PIK3CA: variants seen among roughly 807,000 people sequenced by gnomAD.
PIK3CA encodes phosphatidylinositol 4,5-bisphosphate 3-kinase catalytic subunit alpha isoform.
In PIK3CA, 27 loss-of-function variants were observed where a neutral mutation model predicts 138.2. The observed-to-expected ratio is 0.20, with a 90% CI of 0.14 to 0.27. PIK3CA has a LOEUF of 0.27. Ranked by LOEUF, PIK3CA falls within the 10% of genes least tolerant of loss-of-function variation. The pLI, the probability that PIK3CA is intolerant of heterozygous loss-of-function variation, is 1.00. For missense variants in PIK3CA, 544 were observed against 1,277.4 expected (o/e 0.43, Z 8.75); for synonymous variants, 358 against 413.2 (o/e 0.87, Z 1.62).
intron 1 of PIK3CA, chr3:179,169,158 A>G (rs1723489751): frequency 6.6e-6 from 1 of 152,108 alleles, no homozygotes; most frequent in Non-Finnish European, 1.5e-5. Flanking sequence ...TTTTGGTCAT[A>G]CTGTTAAGAC....
Position 179,224,782 on chromosome 3 carries a change from C to T in PIK3CA, c.2377C>T (p.Leu793=), listed in dbSNP as rs1725045413. 1.9e-6 allele frequency: 3 copies of T among 1,605,946 alleles called. No individual in the cohort carries two copies. Among genetic ancestry groups the T allele is most frequent in the Non-Finnish European group, 2.6e-6 (3 of 1,173,262 alleles). The change falls in exon 16 of 21, where the codon CTG becomes TTG. Residue 793 remains leucine, a synonymous_variant. Transcript: ENST00000263967. ...WENPDIMSEL[L]FQNNEIIFKN... is the part of the protein sequence containing the mutation. Reference sequence around the variant, plus strand: ...GAACCCAGACATCATGTCAGAGTTACTGTTTCAGAACAATGAGATCATCTT... The same window carrying T: ...GAACCCAGACATCATGTCAGAGTTATTGTTTCAGAACAATGAGATCATCTT...
At chr3:179,205,638 G>A (rs1360193590) in intron 6 of PIK3CA, among the ~76,000 whole-genome samples, 1 of 152,118 alleles carries the variant, frequency 6.6e-6, no homozygotes, top group Admixed American at 6.6e-5. Context: ...GGGAGTTATG[G>A]GGAACATTTT....
At chr3:179,179,420 C>G (rs1207233368) in intron 1 of PIK3CA, among the ~76,000 whole-genome samples, 1 of 152,130 alleles carries the variant, frequency 6.6e-6, no homozygotes, top group Non-Finnish European at 1.5e-5. Flanking sequence ...CACTGTGATT[C>G]AATTTATGTA....
intron 1 of PIK3CA, among the ~76,000 whole-genome samples, chr3:179,188,250 G>C (rs1157982539): frequency 2.0e-5 from 3 of 152,302 alleles, no homozygotes; most frequent in East Asian, 3.9e-4. Context: ...TGTTGCTAAA[G>C]ATGTGTAAAA....
At chr3:179,159,085 A>T (rs1278849746) in intron 1 of PIK3CA, among the ~76,000 whole-genome samples, 1 of 152,200 alleles carries the variant, frequency 6.6e-6, no homozygotes, top group African/African-American at 2.4e-5. Context: ...TGTTGTTAAC[A>T]TATATGGAGG....
chr3:179,205,208 A>AAT (rs36118397), intron 6 of PIK3CA, among the ~76,000 whole-genome samples: 11,958 of 151,552 alleles, frequency 0.079, 499 homozygotes, highest in African/African-American at 0.1. Context: ...CTGATCTCAA[A>AAT]ATATATATAT....
rs1348879853 is a variant in PIK3CA, at chr3:179,237,306, C to G, written c.*2942C>G. On this transcript the variant is annotated 3_prime_UTR_variant, in exon 21 of 21. Coordinates refer to ENST00000263967, the MANE Select transcript of PIK3CA (RefSeq NM_006218.4). The stretch of plus-strand genomic sequence containing the variant: ...CTAAGCTTTTTGTGGTTCTTAGTGT[C>G]CTATGTAAAACTTAGTGTCAAAGTA... 1.0e-5 allele frequency: 2 copies of G among 195,606 alleles called. No homozygotes were observed. The highest frequency in any genetic ancestry group is 2.3e-5 in the African/African-American group (1 of 43,318). The allele number at this position is 195,606 out of a possible 1,614,324, so 12.1% of individuals were successfully genotyped here. A position where few individuals can be genotyped will look rare whatever the true frequency, so the allele number is the denominator to read the frequency against.
rs1170069201 is a variant in PIK3CA at position 179,229,984 on chromosome 3, G to A, written c.2667-20G>A. 14 of 1,506,606 alleles carry A rather than the reference G, an allele frequency of 9.3e-6. No homozygotes were observed. Among genetic ancestry groups the A allele is most frequent in the Admixed American group, 3.4e-5 (2 of 58,744 alleles). 93.3% of individuals were successfully genotyped at this position (1,506,606 alleles called of 1,614,324 possible). On this transcript the variant is annotated intron_variant, in intron 18 of 20. Transcript: ENST00000263967. ...ATCACTATATTTCCATACTACTCAT[G>A]AGGTGTTTATTCTTTGTAGATATGA...
intron 20 of PIK3CA, among the ~76,000 whole-genome samples, chr3:179,232,027 A>G (rs1725225128): frequency 6.6e-6 from 1 of 152,130 alleles, no homozygotes; most frequent in South Asian, 2.1e-4. Flanking sequence ...TGTCAGATGC[A>G]TAGTTTGGGA....
intron 9 of PIK3CA, among the ~76,000 whole-genome samples, chr3:179,212,923 C>G (rs761693025): frequency 1.6e-4 from 24 of 152,138 alleles, no homozygotes; most frequent in Non-Finnish European, 2.8e-4. Context: ...GTTAAGACTT[C>G]CAATCTACAG....
chr3:179,154,272 G>A (rs1185279080), intron 1 of PIK3CA, among the ~76,000 whole-genome samples: 2 of 152,128 alleles, frequency 1.3e-5, no homozygotes, highest in African/African-American at 2.4e-5. Context: ...GGGCTGCACA[G>A]CTGGAGGTGA....
intron 9 of PIK3CA, among the ~76,000 whole-genome samples, chr3:179,211,885 A>G (rs551457924): frequency 6.6e-6 from 1 of 152,278 alleles, no homozygotes; most frequent in East Asian, 1.9e-4. Context: ...AAGCAGAGAA[A>G]CGTCATGACG....
intron 1 of PIK3CA, among the ~76,000 whole-genome samples, chr3:179,167,652 T>C (rs1168619534): frequency 6.6e-6 from 1 of 152,144 alleles, no homozygotes; most frequent in East Asian, 1.9e-4. Flanking sequence ...TACATTAATA[T>C]TATATAAAAA....
chr3:179,200,287 C>G (rs1481644792), intron 3 of PIK3CA, among the ~76,000 whole-genome samples: 1 of 151,530 alleles, frequency 6.6e-6, no homozygotes, highest in Non-Finnish European at 1.5e-5. Context: ...CATAAATACA[C>G]CAGAAAAAAA....
Position 179,209,587 on chromosome 3 carries a change from T to C in PIK3CA, c.1146-8T>C, listed in dbSNP as rs1576938052. 1 of 1,563,892 alleles carries C rather than the reference T, an allele frequency of 6.4e-7. No homozygotes were observed. Among genetic ancestry groups the C allele is most frequent in the African/African-American group, 1.4e-5 (1 of 73,774 alleles). The stretch of plus-strand genomic sequence containing the variant: ...GATGTATTATTTTTGCTTTAAAATT[T>C]TACATAGGTGGAATGAATGGCTGAA... On this transcript the variant is annotated splice_region_variant and splice_polypyrimidine_tract_variant and intron_variant, in intron 6 of 20. Transcript: ENST00000263967.
intron 4 of PIK3CA, 67 bp downstream of exon 4, chr3:179,201,607 G>GTTTTTTTT: frequency 3.8e-6 from 3 of 793,654 alleles, no homozygotes; most frequent in East Asian, 3.0e-5. Context: ...ATGAGTATCT[G>GTTTTTTTT]TATTTTTTTT....
chr3:179,226,582 G>A (rs1725088534), intron 17 of PIK3CA, among the ~76,000 whole-genome samples: 1 of 151,834 alleles, frequency 6.6e-6, no homozygotes, highest in Admixed American at 6.6e-5. Context: ...TTGTCTTTTT[G>A]CAAATCCATA....
At chr3:179,191,336 A>C (rs568160673) in intron 1 of PIK3CA, among the ~76,000 whole-genome samples, 173 of 152,228 alleles carry the variant, frequency 1.1e-3, no homozygotes, top group Non-Finnish European at 2.3e-3. Context: ...GCTCTATCCA[A>C]AAATGAGAGT....
chr3:179,176,900 T>G (rs1723710952), intron 1 of PIK3CA, among the ~76,000 whole-genome samples: 1 of 152,218 alleles, frequency 6.6e-6, no homozygotes, highest in African/African-American at 2.4e-5. Flanking sequence ...TCAGACTGTC[T>G]CCCAGAAAGT....
Sources: gnomAD v4.1 joint callset for allele counts (sites outside exome capture counted in the v4.1 genomes callset) on GRCh38, gnomAD v4.1.1 for gene constraint, MANE v1.5 for transcripts, NCBI Gene and HGNC (gene_info 2026-07-23, HGNC 2026-07-21) for gene names.